CACNA1C: variants seen among roughly 807,000 people sequenced by gnomAD.
The protein encoded by CACNA1C is voltage-dependent L-type calcium channel subunit alpha-1C.
CACNA1C carries 30 observed loss-of-function variants against 229.0 expected under a neutral mutation model. The ratio of observed to expected loss-of-function variants is 0.13; its 90% CI spans 0.10 to 0.18. CACNA1C has a LOEUF of 0.18. Among genes scored for constraint, CACNA1C ranks in the 10% least tolerant of loss-of-function variants. The pLI, the probability that CACNA1C is intolerant of heterozygous loss-of-function variation, is 1.00. For missense variants in CACNA1C, 1,658 were observed against 2,845.0 expected (o/e 0.58, Z 9.49); for synonymous variants, 1,114 against 1,132.5 (o/e 0.98, Z 0.33).
chr12:2,434,937 G>A (rs769271203), intron 3 of CACNA1C, among the ~76,000 whole-genome samples: 2 of 152,160 alleles, frequency 1.3e-5, no homozygotes, highest in Non-Finnish European at 2.9e-5. Flanking sequence ...ACATAGCTTG[G>A]CACATATCAC....
chr12:2,376,389 G>A (rs2098068157), intron 3 of CACNA1C, among the ~76,000 whole-genome samples: 1 of 152,146 alleles, frequency 6.6e-6, no homozygotes, highest in African/African-American at 2.4e-5. Context: ...CTGAGTACCT[G>A]TGCTTGAGGA....
intron 5 of CACNA1C, among the ~76,000 whole-genome samples, chr12:2,485,795 G>A (rs1386389392): frequency 2.0e-5 from 3 of 152,194 alleles, no homozygotes; most frequent in African/African-American, 7.2e-5. Context: ...ATGCTCAGTT[G>A]TCTGTAAGAT....
chr12:2,510,782 A>G (rs1281364056), intron 8 of CACNA1C, among the ~76,000 whole-genome samples: 2 of 152,194 alleles, frequency 1.3e-5, no homozygotes, highest in East Asian at 3.9e-4. Context: ...AGAGGGGTGC[A>G]AATGGAGGTA....
At chr12:1,994,777 G>C (rs1256880026) in intron 1 of CACNA1C, among the ~76,000 whole-genome samples, 1 of 152,158 alleles carries the variant, frequency 6.6e-6, no homozygotes, top group African/African-American at 2.4e-5. Flanking sequence ...CTCTTTAATA[G>C]TACAGCTACT....
intron 4 of CACNA1C, among the ~76,000 whole-genome samples, chr12:2,450,387 T>C (rs1055605354): frequency 5.3e-5 from 8 of 151,578 alleles, no homozygotes; most frequent in Admixed American, 3.9e-4. Context: ...ACCCCGTCTC[T>C]ACTAAAAATA....
rs374200963 is a variant in CACNA1C at position 2,633,940 on chromosome 12, G to C, written c.3829-357G>C. The stretch of plus-strand genomic sequence containing the variant: ...TCCATTTACCTCAGCTCTGCCCGGC[G>C]CTGCCGGGCTGGGGCGTGGAGCTGA... On this transcript the variant is annotated intron_variant, in intron 29 of 46. Coordinates refer to ENST00000399655, the MANE Select transcript of CACNA1C (RefSeq NM_000719.7). This position sits in a 1 kb window ranked among gnomAD's most constrained non-coding sequence, Gnocchi z 5.8. Among the ~76,000 whole-genome samples, 15 of 152,140 alleles carry C rather than the reference G, an allele frequency of 9.9e-5. No individual in the cohort carries two copies. Among genetic ancestry groups the C allele is most frequent in the Non-Finnish European group, 5.9e-5 (4 of 68,040 alleles).
At chr12:2,645,225 G>C (rs2094207425) in intron 30 of CACNA1C, among the ~76,000 whole-genome samples, 1 of 152,192 alleles carries the variant, frequency 6.6e-6, no homozygotes, top group Non-Finnish European at 1.5e-5. Context: ...CCTAAAAGGG[G>C]AATGCAGTCT....
rs1386240031 is a variant in CACNA1C at position 2,688,937 on chromosome 12, G to A, written c.6117+158G>A. On this transcript the variant is annotated intron_variant, in intron 46 of 46. Coordinates refer to ENST00000399655, the MANE Select transcript of CACNA1C (RefSeq NM_000719.7). ...CTCTCAGGGCTGCAGGAGGGCTCGT[G>A]TGCGGAAAGCCATGACTGCACAAGA... Among the ~76,000 whole-genome samples the A allele has an allele frequency of 2.6e-5, 4 of 152,340 alleles. No homozygotes were observed. In the East Asian group the frequency reaches 5.8e-4, roughly 22 times the overall value.
intron 18 of CACNA1C, among the ~76,000 whole-genome samples, chr12:2,588,477 T>C (rs2063564897): frequency 6.6e-6 from 1 of 152,254 alleles, no homozygotes; most frequent in Non-Finnish European, 1.5e-5. Flanking sequence ...TCTCCTGGGC[T>C]GTCCAGATTG....
In CACNA1C at chr12:2,608,414, C is replaced by A; in HGVS notation, c.3357-97C>A. The stretch of plus-strand genomic sequence containing the variant: ...CTCCAGCCCAGAGCTGTCTCCTGCA[C>A]CCTGATCCCTGGGATCCCTGGAGCA... On this transcript the variant is annotated intron_variant, in intron 26 of 46. Transcript: ENST00000399655. This position sits in a 1 kb window ranked among gnomAD's most constrained non-coding sequence, Gnocchi z 4.2. The A allele has an allele frequency of 1.1e-6, 1 of 925,228 alleles. No individual in the cohort carries two copies. Among genetic ancestry groups the A allele is most frequent in the Non-Finnish European group, 1.6e-6 (1 of 614,456 alleles). 57.3% of individuals were successfully genotyped at this position (925,228 alleles called of 1,614,324 possible). A position where few individuals can be genotyped will look rare whatever the true frequency, so the allele number is the denominator to read the frequency against.
At chr12:2,522,037 T>C (rs921753144) in intron 9 of CACNA1C, among the ~76,000 whole-genome samples, 1 of 152,212 alleles carries the variant, frequency 6.6e-6, no homozygotes, top group Non-Finnish European at 1.5e-5. Flanking sequence ...CCTGCTGCTG[T>C]CCTGTTTCTG....
chr12:2,478,719 A>G (rs1050984715), intron 5 of CACNA1C, among the ~76,000 whole-genome samples: 16 of 152,216 alleles, frequency 1.1e-4, no homozygotes, highest in African/African-American at 3.9e-4. Context: ...ACAAGGACAC[A>G]TGGATGAGAT....
intron 1 of CACNA1C, among the ~76,000 whole-genome samples, chr12:2,097,373 C>T (rs911231610): frequency 6.6e-6 from 1 of 152,052 alleles, no homozygotes. Flanking sequence ...GTCTCGATCT[C>T]CTGACCTTGT....
chr12:2,440,054 T>C (rs1294432271), intron 3 of CACNA1C, among the ~76,000 whole-genome samples: 1 of 152,224 alleles, frequency 6.6e-6, no homozygotes, highest in Non-Finnish European at 1.5e-5. Context: ...ATCTGTCCGC[T>C]GGCCCACTAC....
intron 3 of CACNA1C, among the ~76,000 whole-genome samples, chr12:2,379,631 G>A (rs1169331778): frequency 6.6e-6 from 1 of 152,136 alleles, no homozygotes; most frequent in Non-Finnish European, 1.5e-5. Flanking sequence ...CAAGCCCTGA[G>A]ACGTAAGTAA....
chr12:2,006,292 C>T (rs2043437064), intron 1 of CACNA1C, among the ~76,000 whole-genome samples: 1 of 151,966 alleles, frequency 6.6e-6, no homozygotes, highest in Admixed American at 6.6e-5. Context: ...CCTGTAATCC[C>T]GGATACTCGG....
intron 22 of CACNA1C, chr12:2,603,711 G>A (rs1446799115): frequency 6.6e-6 from 1 of 152,210 alleles, no homozygotes; most frequent in Non-Finnish European, 1.5e-5. Context: ...CAGGTGTATG[G>A]AACCTGTAGT....
rs530811162 is a variant in CACNA1C, at chr12:2,388,208, A to C, written c.478-60768A>C. Among the ~76,000 whole-genome samples the C allele has an allele frequency of 3.2e-4, 48 of 152,352 alleles. No individual in the cohort carries two copies. In the South Asian group the frequency reaches 8.1e-3, roughly 26 times the overall value. On this transcript the variant is annotated intron_variant, in intron 3 of 46. Transcript: ENST00000399655. ...TAAAATGAGTAAGTTCTAGAAAACA[A>C]ATGTGCAGCATGGTAACTATAATTA... is the stretch of plus-strand genomic sequence containing the variant.
intron 3 of CACNA1C, among the ~76,000 whole-genome samples, chr12:2,347,155 T>C (rs1302412096): frequency 6.6e-6 from 1 of 152,190 alleles, no homozygotes; most frequent in African/African-American, 2.4e-5. Context: ...CAAGGGTATG[T>C]GAGCCTGCCA....
Sources: allele counts gnomAD v4.1 joint callset (sites outside exome capture counted in the v4.1 genomes callset), GRCh38; gene constraint gnomAD v4.1.1; non-coding constraint Gnocchi (gnomAD v3.1); transcripts MANE v1.5; gene names NCBI Gene and HGNC (gene_info 2026-07-23, HGNC 2026-07-21).